The following HBS1L variants were observed in gnomAD, a reference collection of about 807,000 sequenced individuals.
HBS1L encodes the protein HBS1-like protein.
HBS1L carries 55 observed loss-of-function variants against 88.9 expected under a neutral mutation model. The ratio of observed to expected loss-of-function variants is 0.62; its 90% CI spans 0.50 to 0.77. The LOEUF is 0.77. Among genes scored for constraint, HBS1L ranks in the 30% least tolerant of loss-of-function variants. The pLI is 0.00. For synonymous variants in HBS1L, 267 were observed against 288.5 expected, an observed-to-expected ratio of 0.93 and a Z score of 0.76; for missense variants, 741 against 829.3, an observed-to-expected ratio of 0.89 and a Z score of 1.31.
chr6:135,009,690 G>A (rs1775717969), intron 4 of HBS1L, among the ~76,000 whole-genome samples: 1 of 152,014 alleles, frequency 6.6e-6, no homozygotes, highest in Admixed American at 6.5e-5. Flanking sequence ...CTGGAGTGCA[G>A]TGGCGTGATC....
intron 16 of HBS1L, among the ~76,000 whole-genome samples, chr6:134,968,628 A>T (rs899990226): frequency 6.6e-6 from 1 of 152,170 alleles, no homozygotes. Flanking sequence ...GGAAGTACTT[A>T]AAAAATCCCA....
intron 4 of HBS1L, chr6:135,036,884 C>T: frequency 6.4e-7 from 1 of 1,551,576 alleles, no homozygotes; most frequent in Non-Finnish European, 8.7e-7. Flanking sequence ...GAATTCTTCC[C>T]TAGCTTTGAA....
At chr6:135,011,146 A>G (rs1775761205) in intron 4 of HBS1L, among the ~76,000 whole-genome samples, 1 of 152,210 alleles carries the variant, frequency 6.6e-6, no homozygotes, top group African/African-American at 2.4e-5. Flanking sequence ...GATTAATGAT[A>G]TAAACGTAAA....
At chr6:135,012,442 GTATAT>G (rs1057423961) in intron 4 of HBS1L, among the ~76,000 whole-genome samples, 9 of 152,232 alleles carry the variant, frequency 5.9e-5, no homozygotes, top group African/African-American at 2.2e-4. Context: ...TACAATGACT[GTATAT>G]TATTTTTATA....
At chr6:135,030,908 G>A (rs564343346) in intron 4 of HBS1L, among the ~76,000 whole-genome samples, 38 of 152,030 alleles carry the variant, frequency 2.5e-4, no homozygotes, top group Middle Eastern at 3.4e-3. Flanking sequence ...GCAGAGCAGC[G>A]AAAAATTTGA....
chr6:134,990,486 G>T (rs558249975), intron 8 of HBS1L, among the ~76,000 whole-genome samples: 2 of 152,322 alleles, frequency 1.3e-5, no homozygotes, highest in African/African-American at 4.8e-5. Context: ...ACATCTTTGA[G>T]TCTCTTTATC....
At chr6:134,972,447 G>A (rs1455089276) in intron 15 of HBS1L, among the ~76,000 whole-genome samples, 1 of 152,100 alleles carries the variant, frequency 6.6e-6, no homozygotes, top group African/African-American at 2.4e-5. Context: ...AAACTTAACT[G>A]AAAATGGATC....
chr6:135,037,870 C>A (rs1776608121), intron 4 of HBS1L: 1 of 1,550,162 alleles, frequency 6.5e-7, no homozygotes, highest in East Asian at 2.4e-5. Context: ...ATGGAGTAAA[C>A]AGTGAGTTGG....
chr6:135,036,631 G>T (rs1291005191), intron 4 of HBS1L: 1 of 1,547,232 alleles, frequency 6.5e-7, no homozygotes, highest in Admixed American at 2.0e-5. Flanking sequence ...GAAGTCAAAT[G>T]GTGTTATTGC....
At chr6:135,042,289 C>T (rs957674073) in intron 2 of HBS1L, among the ~76,000 whole-genome samples, 163 bp from the exon 3 acceptor site, 3 of 152,058 alleles carry the variant, frequency 2.0e-5, no homozygotes, top group African/African-American at 4.8e-5. Context: ...AAACATATAC[C>T]TAAAATCCTA....
At position 135,042,041 on chromosome 6, in the gene HBS1L, G is replaced by T. The variant is rs201831272; in HGVS notation, c.195C>A (p.Ser65=). 5.0e-6 allele frequency: 8 copies of T among 1,612,982 alleles called. No homozygotes were observed. The change falls in exon 3 of 18, where the codon TCC becomes TCA. Residue 65 remains serine, a synonymous_variant. Transcript: ENST00000367837. ...EYDYEDLKES[S]NSVSNHQLSG... Reference sequence around the variant, plus strand: ...TGAGCTGATGGTTTGAAACAGAATTGGAAGATTCTTTCAGATCTTCATAAT... The same window carrying T: ...TGAGCTGATGGTTTGAAACAGAATTTGAAGATTCTTTCAGATCTTCATAAT...
At chr6:134,968,272 G>A (rs1177691115) in intron 16 of HBS1L, among the ~76,000 whole-genome samples, 2 of 149,790 alleles carry the variant, frequency 1.3e-5, no homozygotes, top group African/African-American at 4.9e-5. Context: ...TTTTTGAGAT[G>A]GAGTTTCACT....
rs538806958 is a variant in HBS1L, at chr6:134,978,795, A to T, written c.1689-8T>A. The T allele has an allele frequency of 2.7e-5, 41 of 1,545,972 alleles. 1 individual carries two copies. The South Asian group carries it at 4.5e-4, about 17-fold the overall frequency. ...CAAAATATGCAGCCAACACTGTAAG[A>T]ACAACAAAAAAAGAGGAAAGGTAAT... On this transcript the variant is annotated splice_region_variant and splice_polypyrimidine_tract_variant and intron_variant, in intron 14 of 17. Transcript: ENST00000367837.
chr6:135,001,099 T>C (rs1162986614), intron 5 of HBS1L, among the ~76,000 whole-genome samples: 1 of 152,168 alleles, frequency 6.6e-6, no homozygotes, highest in East Asian at 1.9e-4. Context: ...TGGGTGGATT[T>C]TTTACCTTTA....
rs762409944 is a variant in HBS1L at position 135,031,708 on chromosome 6, C to T, written c.430+7865G>A. Among the ~76,000 whole-genome samples, 29 of 152,154 alleles carry T rather than the reference C, an allele frequency of 1.9e-4. 2 individuals carry two copies. The highest frequency in any genetic ancestry group is 5.2e-4 in the Admixed American group (8 of 15,294). ...GTGCATATATCCTCCTCCCCTTTGA[C>T]GTAAGAATCATATCTTTGTTCATCT... On this transcript the variant is annotated intron_variant, in intron 4 of 17. Transcript: ENST00000367837.
chr6:135,038,142 G>T, intron 4 of HBS1L: 1 of 737,664 alleles, frequency 1.4e-6, no homozygotes, highest in Non-Finnish European at 2.1e-6. Flanking sequence ...TGCTTCTTTT[G>T]ATTATGACAT....
intron 4 of HBS1L, among the ~76,000 whole-genome samples, chr6:135,031,004 CTACT>C (rs1776368407): frequency 2.6e-5 from 4 of 152,076 alleles, no homozygotes; most frequent in African/African-American, 9.7e-5. Context: ...TTTTCATGGT[CTACT>C]TAGTGTCGCA....
intron 2 of HBS1L, among the ~76,000 whole-genome samples, chr6:135,045,326 A>C (rs182797087): frequency 2.6e-5 from 4 of 152,328 alleles, no homozygotes; most frequent in African/African-American, 9.6e-5. Context: ...TTCTGAAAAA[A>C]CAGACACCTA....
intron 2 of HBS1L, among the ~76,000 whole-genome samples, chr6:135,046,460 A>C (rs1776915554): frequency 6.6e-6 from 1 of 152,208 alleles, no homozygotes; most frequent in Admixed American, 6.5e-5. Flanking sequence ...TCACCATTCA[A>C]ATAAAGTTTT....
Sources: allele counts gnomAD v4.1 joint callset (sites outside exome capture counted in the v4.1 genomes callset), GRCh38; gene constraint gnomAD v4.1.1; transcripts MANE v1.5; gene names NCBI Gene and HGNC (gene_info 2026-07-23, HGNC 2026-07-21).